CATSPERT: variants seen among roughly 807,000 people sequenced by gnomAD.
CATSPERT encodes the protein catsper channel auxiliary subunit tau.
the CATSPERT span, among the ~76,000 whole-genome samples, chr2:201,509,831 GCA>G: frequency 2.0e-5 from 3 of 150,546 alleles, 1 homozygote; most frequent in African/African-American, 7.5e-5. Context: ...TATAAACCAG[GCA>G]CTCTCCCAAG....
the CATSPERT span, among the ~76,000 whole-genome samples, chr2:201,497,727 A>G: frequency 6.6e-6 from 1 of 152,222 alleles, no homozygotes; most frequent in South Asian, 2.1e-4. Context: ...GTAAAGTAAT[A>G]TTGGGGGAAT....
the CATSPERT span, among the ~76,000 whole-genome samples, chr2:201,538,763 C>T: frequency 6.6e-6 from 1 of 152,002 alleles, no homozygotes; most frequent in Admixed American, 6.6e-5. Context: ...TATTTCATCA[C>T]CAGGTATTAA....
the CATSPERT span, chr2:201,601,760 T>C: frequency 1.9e-6 from 3 of 1,611,614 alleles, no homozygotes; most frequent in Non-Finnish European, 2.5e-6. Context: ...AATACTTCAC[T>C]TCATCGAACT....
the CATSPERT span, among the ~76,000 whole-genome samples, chr2:201,594,228 T>C: frequency 6.6e-6 from 1 of 152,348 alleles, no homozygotes; most frequent in South Asian, 2.1e-4. Context: ...TATTTCTTCT[T>C]CACTTATGAA....
the CATSPERT span, chr2:201,553,372 C>T: frequency 6.6e-6 from 1 of 152,168 alleles, no homozygotes; most frequent in South Asian, 2.1e-4. Flanking sequence ...AATCTTAGAA[C>T]ACTTCAAAAC....
the CATSPERT span, chr2:201,493,093 T>C: frequency 3.9e-6 from 6 of 1,529,764 alleles, no homozygotes; most frequent in Admixed American, 1.2e-4. Context: ...TTCAGAATGA[T>C]TATATTTGAA....
chr2:201,555,583 A>G, the CATSPERT span: 1 of 152,158 alleles, frequency 6.6e-6, no homozygotes, highest in Non-Finnish European at 1.5e-5. Context: ...AGCCATTTTC[A>G]TCCAAGCTCA....
At chr2:201,493,564 G>A in the CATSPERT span, 1 of 1,536,942 alleles carries the variant, frequency 6.5e-7, no homozygotes, top group South Asian at 1.2e-5. Flanking sequence ...TATCTGGCTT[G>A]TAGCAGATCT....
At chr2:201,509,793 T>C in the CATSPERT span, among the ~76,000 whole-genome samples, 2 of 150,958 alleles carry the variant, frequency 1.3e-5, no homozygotes, top group Admixed American at 1.3e-4. Flanking sequence ...TATTAAGTAA[T>C]TATTTAACAA....
the CATSPERT span, chr2:201,550,355 C>T: frequency 3.9e-5 from 6 of 152,280 alleles, no homozygotes; most frequent in South Asian, 1.2e-3. Context: ...GATCTTTCCA[C>T]AACAATATGC....
chr2:201,615,644 G>C, the CATSPERT span, among the ~76,000 whole-genome samples: 1 of 152,152 alleles, frequency 6.6e-6, no homozygotes, highest in Non-Finnish European at 1.5e-5. Context: ...ATAATTAAAA[G>C]AACTAGAGAA....
At chr2:201,585,240 G>A in the CATSPERT span, among the ~76,000 whole-genome samples, 3 of 151,962 alleles carry the variant, frequency 2.0e-5, no homozygotes, top group Non-Finnish European at 4.4e-5. Context: ...GTCGAGGGGT[G>A]GGGGGATAAG....
the CATSPERT span, among the ~76,000 whole-genome samples, chr2:201,590,240 G>A: frequency 6.6e-6 from 1 of 151,548 alleles, no homozygotes; most frequent in Non-Finnish European, 1.5e-5. Flanking sequence ...GTGGCGTTTG[G>A]TTTTTTGTTC....
chr2:201,517,510 C>G, the CATSPERT span, among the ~76,000 whole-genome samples: 2 of 152,186 alleles, frequency 1.3e-5, no homozygotes, highest in African/African-American at 4.8e-5. Flanking sequence ...GGGTTTTACC[C>G]TACTTACAAG....
the CATSPERT span, chr2:201,494,777 A>C: frequency 6.8e-7 from 1 of 1,480,660 alleles, no homozygotes. Context: ...ATTAAAAAAA[A>C]GGTAAGACAT....
chr2:201,592,869 T>C, the CATSPERT span, among the ~76,000 whole-genome samples: 1 of 151,986 alleles, frequency 6.6e-6, no homozygotes, highest in East Asian at 1.9e-4. Context: ...GATTCTTCTC[T>C]CTTTTTTTCT....
chr2:201,601,256 C>T, the CATSPERT span, among the ~76,000 whole-genome samples: 2 of 140,234 alleles, frequency 1.4e-5, no homozygotes, highest in Non-Finnish European at 1.5e-5. Context: ...TTTCTTCATC[C>T]GTAAAATAAG....
At chr2:201,569,173 A>G in the CATSPERT span, among the ~76,000 whole-genome samples, 12 of 152,272 alleles carry the variant, frequency 7.9e-5, no homozygotes, top group African/African-American at 2.9e-4. Context: ...TTTTGGAAGT[A>G]TACTAGGGTC....
chr2:201,571,022 A>T, the CATSPERT span, among the ~76,000 whole-genome samples: 5 of 152,126 alleles, frequency 3.3e-5, no homozygotes, highest in African/African-American at 1.2e-4. Flanking sequence ...GCATCATCAT[A>T]GTAATTATTT....
Sources: gnomAD v4.1 joint callset for allele counts (sites outside exome capture counted in the v4.1 genomes callset) on GRCh38, gnomAD v4.1.1 for gene constraint, MANE v1.5 for transcripts, NCBI Gene and HGNC (gene_info 2026-07-23, HGNC 2026-07-21) for gene names.